The following GGPS1 variants were observed in gnomAD, a reference collection of about 807,000 sequenced individuals.
GGPS1 encodes the protein geranylgeranyl diphosphate synthase 1, also known as geranylgeranyl pyrophosphate synthase.
A neutral mutation model predicts 28.1 loss-of-function variants in GGPS1; 15 were observed. The observed-to-expected ratio is 0.53, with a 90% confidence interval of 0.36 to 0.82. The LOEUF (loss-of-function observed/expected upper bound fraction) is 0.82. GGPS1 is among the 40% of genes least tolerant of loss of function. The probability of loss-of-function intolerance (pLI) is 0.01; values close to 1 mark genes in which losing one functional copy is unlikely to be tolerated. For missense variants in GGPS1, 284 were observed against 348.3 expected, an observed-to-expected ratio of 0.82 and a Z score of 1.47; for synonymous variants, 138 against 122.4, an observed-to-expected ratio of 1.13 and a Z score of -0.84.
At chr1:235,340,410 C>T (rs1302250292) in intron 2 of GGPS1, among the ~76,000 whole-genome samples, 1 of 150,884 alleles carries the variant, frequency 6.6e-6, no homozygotes, top group Admixed American at 6.6e-5. Flanking sequence ...CACCACTGCA[C>T]TCCAGCCTGG....
chr1:235,328,232 A>T (rs1675500087), upstream of GGPS1: 1 of 108,178 alleles, frequency 9.2e-6, no homozygotes, highest in African/African-American at 3.6e-5. Context: ...CCTCCCCTAG[A>T]TTTTTTTTCC....
intron 1 of GGPS1, chr1:235,329,865 G>A (rs1479556935): frequency 6.6e-6 from 1 of 152,218 alleles, no homozygotes; most frequent in Non-Finnish European, 1.5e-5. Flanking sequence ...GGCTATTGCC[G>A]TAGTAGTTCA....
At position 235,335,301 on chromosome 1, in the gene GGPS1, C is replaced by T. The variant is rs1409338946; in HGVS notation, c.37C>T (p.Leu13=). The stretch of plus-strand genomic sequence containing the variant: ...TCAAGAAACAGTCCAAAGAATTCTT[C>T]TAGAACCCTATAAATACTTACTTCA... ...KTQETVQRIL[L]EPYKYLLQLP... is the part of the protein sequence containing the mutation. The change falls in exon 2 of 4, where the codon CTA becomes TTA. Residue 13 remains leucine, a synonymous_variant. Transcript: ENST00000282841. The T allele has an allele frequency of 2.6e-6, 4 of 1,555,804 alleles. No individual in the cohort carries two copies. Among genetic ancestry groups the T allele is most frequent in the Middle Eastern group, 3.3e-4 (2 of 5,978 alleles).
At chr1:235,335,105 G>A (rs1364601008) in intron 1 of GGPS1, 137 bp from the exon 2 acceptor site, 40 of 523,082 alleles carry the variant, frequency 7.6e-5, no homozygotes, top group South Asian at 7.0e-4. Flanking sequence ...GTGAACTACC[G>A]TGCCCAGCAA....
At chr1:235,334,480 A>C (rs1675809065) in intron 1 of GGPS1, among the ~76,000 whole-genome samples, 2 of 152,202 alleles carry the variant, frequency 1.3e-5, no homozygotes, top group Admixed American at 1.3e-4. Context: ...CACCCATTTA[A>C]AGTGTACATT....
intron 2 of GGPS1, among the ~76,000 whole-genome samples, chr1:235,336,416 A>G (rs747806520): frequency 6.6e-6 from 1 of 152,176 alleles, no homozygotes; most frequent in Non-Finnish European, 1.5e-5. Flanking sequence ...TTGTCTGGAA[A>G]TGATAATAAG....
intron 1 of GGPS1, among the ~76,000 whole-genome samples, chr1:235,333,485 C>T (rs1675777587): frequency 6.6e-6 from 1 of 151,440 alleles, no homozygotes; most frequent in Non-Finnish European, 1.5e-5. Context: ...AGGGGAATCA[C>T]TTGAACCCGG....
At chr1:235,329,343 G>A (rs1260129294) in intron 1 of GGPS1, 1 of 152,242 alleles carries the variant, frequency 6.6e-6, no homozygotes, top group Non-Finnish European at 1.5e-5. Flanking sequence ...CGACCACTGG[G>A]GTGGCCTCTG....
chr1:235,333,811 T>G (rs1675790221), intron 1 of GGPS1, among the ~76,000 whole-genome samples: 1 of 152,160 alleles, frequency 6.6e-6, no homozygotes, highest in Non-Finnish European at 1.5e-5. Context: ...ATTTAGCCTT[T>G]TTGTTGTAGA....
chr1:235,337,090 G>A (rs1338061090), intron 2 of GGPS1: 1 of 166,262 alleles, frequency 6.0e-6, no homozygotes, highest in Admixed American at 6.5e-5. Flanking sequence ...CTCCCAGTGA[G>A]AAACATGGCA....
At chr1:235,336,418 GATA>G (rs1675866696) in intron 2 of GGPS1, among the ~76,000 whole-genome samples, 1 of 152,058 alleles carries the variant, frequency 6.6e-6, no homozygotes, top group Non-Finnish European at 1.5e-5. Flanking sequence ...GTCTGGAAAT[GATA>G]ATAAGCAAAA....
intron 1 of GGPS1, 24 bp downstream of exon 1, chr1:235,328,802 G>C (rs949934810): frequency 6.5e-6 from 1 of 152,824 alleles, no homozygotes; most frequent in African/African-American, 2.4e-5. Flanking sequence ...GCGGCGGCTG[G>C]GGGGAACCCG....
rs764010395 is a variant in GGPS1 at position 235,342,701 on chromosome 1, C to T, written c.832C>T (p.Arg278Cys). ...EAKAYKQIDA[R>C]GGNPELVALV... ...TAAAGCCTATAAACAGATTGATGCA[C>T]GTGGTGGGAACCCTGAGCTAGTAGC... Residue 278 changes from arginine (R) to cysteine (C), a missense_variant, in exon 4 of 4, where the codon CGT becomes TGT. Coordinates refer to ENST00000282841, the MANE Select transcript of GGPS1 (RefSeq NM_004837.4). 21 of 1,607,618 alleles carry T rather than the reference C, an allele frequency of 1.3e-5. No homozygotes were observed. In the South Asian group the frequency reaches 1.3e-4, roughly 10 times the overall value.
At chr1:235,336,234 C>G (rs1028341633) in intron 2 of GGPS1, among the ~76,000 whole-genome samples, 1 of 151,900 alleles carries the variant, frequency 6.6e-6, no homozygotes, top group Non-Finnish European at 1.5e-5. Context: ...CTACTAAAAA[C>G]ACAAAAGTTA....
chr1:235,335,661 C>T (rs1272648454), intron 2 of GGPS1, among the ~76,000 whole-genome samples: 1 of 152,104 alleles, frequency 6.6e-6, no homozygotes, highest in Non-Finnish European at 1.5e-5. Flanking sequence ...CATAGTGAGA[C>T]CCCGTCTCTT....
intron 1 of GGPS1, among the ~76,000 whole-genome samples, chr1:235,333,987 T>C (rs1468012731): frequency 6.6e-6 from 1 of 151,982 alleles, no homozygotes; most frequent in Non-Finnish European, 1.5e-5. Context: ...TACAAAGAAA[T>C]AAAGTAGAGA....
chr1:235,341,989 A>T, intron 3 of GGPS1, 22 bp from the exon 4 acceptor site: 1 of 1,428,212 alleles, frequency 7.0e-7, no homozygotes, highest in South Asian at 1.3e-5. Context: ...CAAATAAGTG[A>T]AATTTTCAAT....
chr1:235,336,698 T>A (rs372512384), intron 2 of GGPS1: 1 of 152,218 alleles, frequency 6.6e-6, no homozygotes, highest in Non-Finnish European at 1.5e-5. Flanking sequence ...TAAAAACCTA[T>A]TTAGCCATAC....
At chr1:235,340,345 C>T (rs1675997397) in intron 2 of GGPS1, among the ~76,000 whole-genome samples, 1 of 151,790 alleles carries the variant, frequency 6.6e-6, no homozygotes, top group African/African-American at 2.4e-5. Context: ...TCGCTTGCAC[C>T]TATAGTGCCA....
Sources: gnomAD v4.1 joint callset for allele counts (sites outside exome capture counted in the v4.1 genomes callset) on GRCh38, gnomAD v4.1.1 for gene constraint, MANE v1.5 for transcripts, NCBI Gene and HGNC (gene_info 2026-07-23, HGNC 2026-07-21) for gene names.